EFCAB8: variants seen among roughly 807,000 people sequenced by gnomAD.
EFCAB8 encodes EF-hand calcium-binding domain-containing protein 8.
A neutral mutation model predicts 116.3 loss-of-function variants in EFCAB8; 100 were observed. The ratio of observed to expected loss-of-function variants is 0.86; its 90% CI spans 0.73 to 1.02. The LOEUF (loss-of-function observed/expected upper bound fraction) is 1.02. EFCAB8 is among the 50% of genes least tolerant of loss of function. EFCAB8 has a pLI of 0.00. For missense variants in EFCAB8, 1,320 were observed against 1,416.9 expected (o/e 0.93, Z 1.10); for synonymous variants, 558 against 567.9 (o/e 0.98, Z 0.25).
intron 22 of EFCAB8, among the ~76,000 whole-genome samples, chr20:32,932,541 G>A (rs1009338782): frequency 6.6e-6 from 1 of 152,172 alleles, no homozygotes; most frequent in African/African-American, 2.4e-5. Context: ...AAGTAACCAC[G>A]TGTGTTGATT....
At chr20:32,895,955 C>T (rs571750162) in intron 9 of EFCAB8, among the ~76,000 whole-genome samples, 3 of 152,188 alleles carry the variant, frequency 2.0e-5, no homozygotes, top group Non-Finnish European at 2.9e-5. Context: ...TGAGCCACTG[C>T]GCCTGGCCCA....
intron 26 of EFCAB8, among the ~76,000 whole-genome samples, chr20:32,960,476 T>C (rs1196496255): frequency 6.6e-6 from 1 of 152,238 alleles, no homozygotes; most frequent in Non-Finnish European, 1.5e-5. Flanking sequence ...TCTGTGGCTG[T>C]CTATTTGCTG....
chr20:32,892,127 T>C, intron 7 of EFCAB8, 86 bp from the exon 8 acceptor site: 1 of 1,201,724 alleles, frequency 8.3e-7, no homozygotes, highest in Non-Finnish European at 1.2e-6. Context: ...AGAGATTCCT[T>C]GGGATAGCAA....
At chr20:32,913,500 G>A (rs999306570) in intron 17 of EFCAB8, among the ~76,000 whole-genome samples, 8 of 152,202 alleles carry the variant, frequency 5.3e-5, no homozygotes, top group African/African-American at 1.4e-4. Flanking sequence ...ATGGCATTCC[G>A]TCCCTGACTT....
chr20:32,879,951 T>A (rs1266883191), intron 5 of EFCAB8, among the ~76,000 whole-genome samples: 1 of 152,172 alleles, frequency 6.6e-6, no homozygotes, highest in Non-Finnish European at 1.5e-5. Context: ...CCCCCTGGAC[T>A]CCCTAAGCAT....
At chr20:32,896,327 G>A in intron 9 of EFCAB8, 127 bp from the exon 10 acceptor site, 2 of 640,934 alleles carry the variant, frequency 3.1e-6, no homozygotes, top group South Asian at 3.8e-5. Context: ...GCCAGTGAGG[G>A]TTTGGGTGGA....
At chr20:32,908,245 T>C (rs1376859332) in intron 13 of EFCAB8, 30 bp from the exon 14 acceptor site, 43 of 1,249,292 alleles carry the variant, frequency 3.4e-5, no homozygotes, top group Non-Finnish European at 4.4e-5. Flanking sequence ...AGACCCATGC[T>C]CAGCGTCTTG....
intron 10 of EFCAB8, among the ~76,000 whole-genome samples, chr20:32,897,972 C>T (rs1003210204): frequency 2.6e-5 from 4 of 152,160 alleles, no homozygotes; most frequent in South Asian, 2.1e-4. Context: ...GAGTTGGCGC[C>T]GGAGAATTCA....
chr20:32,909,869 A>C lies in EFCAB8; in HGVS notation c.1495A>C (p.Arg499=), dbSNP rs1000065205. Reference sequence around the variant, plus strand: ...AGAGGCCCAGGGGCTTATCAAAGCAAGGAAGAGGACCACTCATTGCTCACC... The same window carrying C: ...AGAGGCCCAGGGGCTTATCAAAGCACGGAAGAGGACCACTCATTGCTCACC... ...YLEAQGLIKA[R]KRTTHCSPLC... The change falls in exon 15 of 27, where the codon AGG becomes CGG. Residue 499 remains arginine, a synonymous_variant. Coordinates refer to ENST00000400522, the MANE Select transcript of EFCAB8 (RefSeq NM_001143967.2). 4.8e-6 allele frequency: 6 copies of C among 1,249,912 alleles called. No homozygotes were observed. The highest frequency in any genetic ancestry group is 5.1e-6 in the Non-Finnish European group (5 of 988,264). The allele number at this position is 1,249,912 out of a possible 1,614,324, so 77.4% of individuals were successfully genotyped here.
Position 32,892,139 on chromosome 20 carries a change from G to C in EFCAB8, c.674-74G>C, listed in dbSNP as rs1985949255. On this transcript the variant is annotated intron_variant, in intron 7 of 26. Coordinates refer to ENST00000400522, the MANE Select transcript of EFCAB8 (RefSeq NM_001143967.2). ...GCCAGAGATTCCTTGGGATAGCAAT[G>C]AGGCTGCTCACTGTGACTGAAGACC... The C allele has an allele frequency of 4.6e-6, 6 of 1,298,822 alleles. No individual in the cohort carries two copies. In the South Asian group the frequency reaches 7.6e-5, roughly 17 times the overall value. The allele number at this position is 1,298,822 out of a possible 1,614,324, so 80.5% of individuals were successfully genotyped here.
At chr20:32,918,855 A>T (rs1222808872) in intron 19 of EFCAB8, among the ~76,000 whole-genome samples, 1 of 152,108 alleles carries the variant, frequency 6.6e-6, no homozygotes, top group East Asian at 1.9e-4. Context: ...AGAGAACACA[A>T]CCCTGAAAAC....
At chr20:32,867,558 T>C in intron 2 of EFCAB8, 24 bp from the exon 3 acceptor site, 2 of 1,549,342 alleles carry the variant, frequency 1.3e-6, no homozygotes, top group Non-Finnish European at 1.7e-6. Context: ...GCTCAGTCCC[T>C]GGTTCTTGTT....
intron 22 of EFCAB8, among the ~76,000 whole-genome samples, chr20:32,932,614 G>A (rs1987950389): frequency 6.6e-6 from 1 of 152,062 alleles, no homozygotes; most frequent in South Asian, 2.1e-4. Flanking sequence ...TTCTACTGAA[G>A]GTATCATTTC....
At chr20:32,917,932 C>T (rs1384586718) in intron 18 of EFCAB8, among the ~76,000 whole-genome samples, 8 of 152,216 alleles carry the variant, frequency 5.3e-5, no homozygotes, top group African/African-American at 1.9e-4. Context: ...AGGAAGGGAC[C>T]TTAGGGGCCG....
In EFCAB8 at chr20:32,961,453, C is replaced by T. The variant is rs915513280; in HGVS notation, c.3711C>T (p.Ala1237=). The T allele has an allele frequency of 1.4e-6, 2 of 1,454,756 alleles. No individual in the cohort carries two copies. Among genetic ancestry groups the T allele is most frequent in the East Asian group, 2.5e-5 (1 of 40,030 alleles). The allele number at this position is 1,454,756 out of a possible 1,614,324, so 90.1% of individuals were successfully genotyped here. The change falls in exon 27 of 27, where the codon GCC becomes GCT. Residue 1237 remains alanine, a synonymous_variant. Transcript: ENST00000400522. ...TGCGGCCCCAGTCAGCCTCCACAGC[C>T]CATTCCACCCCCTCGGTCCCATCCC... is the stretch of plus-strand genomic sequence containing the variant. ...FLLRPQSAST[A]HSTPSVPSPV...
At chr20:32,951,377 TG>T (rs1443879146) in intron 23 of EFCAB8, among the ~76,000 whole-genome samples, 1 of 152,282 alleles carries the variant, frequency 6.6e-6, no homozygotes, top group Admixed American at 6.5e-5. Flanking sequence ...ACAACGTGGT[TG>T]GATCTCAAAA....
chr20:32,947,429 T>A (rs894019023), intron 23 of EFCAB8, among the ~76,000 whole-genome samples: 3 of 152,208 alleles, frequency 2.0e-5, no homozygotes, highest in South Asian at 2.1e-4. Flanking sequence ...AGAACATTAA[T>A]TAAACCGACC....
At chr20:32,925,170 A>G (rs184793149) in intron 20 of EFCAB8, among the ~76,000 whole-genome samples, 2 of 152,142 alleles carry the variant, frequency 1.3e-5, no homozygotes, top group Non-Finnish European at 2.9e-5. Context: ...GGAGTCCAGG[A>G]TGCAGATCCA....
Position 32,930,513 on chromosome 20 carries a change from A to G in EFCAB8, c.2528A>G (p.Lys843Arg), listed in dbSNP as rs1252804678. The change falls in exon 21 of 27, where the codon AAG becomes AGG. Residue 843 changes from lysine (K) to arginine (R), a missense_variant. Physicochemically the swap from Lys to Arg is conservative, Grantham distance 26 (BLOSUM62 2). Coordinates refer to ENST00000400522, the MANE Select transcript of EFCAB8 (RefSeq NM_001143967.2). Reference protein sequence around the residue: ...SLHENGGLLGKFPVDLDNGDV... With the variant: ...SLHENGGLLGRFPVDLDNGDV... ...CATGAGAATGGAGGCCTGCTGGGGA[A>G]GTTCCCTGTGGACCTAGACAATGGG... is the stretch of plus-strand genomic sequence containing the variant. 3.2e-6 allele frequency: 5 copies of G among 1,552,288 alleles called. No homozygotes were observed. The highest frequency in any genetic ancestry group is 2.0e-5 in the Admixed American group (1 of 51,016).
Sources: gnomAD v4.1 joint callset for allele counts (sites outside exome capture counted in the v4.1 genomes callset) on GRCh38, gnomAD v4.1.1 for gene constraint, MANE v1.5 for transcripts, NCBI Gene and HGNC (gene_info 2026-07-23, HGNC 2026-07-21) for gene names.